The following TK1 variants were observed in gnomAD, a reference collection of about 807,000 sequenced individuals.
TK1 encodes thymidine kinase, cytosolic.
A neutral mutation model predicts 22.4 loss-of-function variants in TK1; 13 were observed. The observed-to-expected ratio is 0.58, with a 90% CI of 0.38 to 0.92. The LOEUF is 0.92. TK1 is among the 40% of genes least tolerant of loss of function. The pLI is 0.00. For missense variants in TK1, 251 were observed against 315.7 expected (o/e 0.80, Z 1.55); for synonymous variants, 134 against 125.4 (o/e 1.07, Z -0.46).
intron 4 of TK1, chr17:78,179,479 C>T (rs904049808): frequency 7.1e-6 from 7 of 985,286 alleles, no homozygotes; most frequent in African/African-American, 5.2e-5. Flanking sequence ...GCCGGGTGGT[C>T]GGGAACCCAG....
At chr17:78,178,183 T>A (rs2075714394) in intron 4 of TK1, among the ~76,000 whole-genome samples, 1 of 151,890 alleles carries the variant, frequency 6.6e-6, no homozygotes, top group South Asian at 2.1e-4. Context: ...AAAAAAAGTT[T>A]AAAAAAATAA....
Position 78,174,679 on chromosome 17 carries a change from T to C in TK1, c.*80A>G. The C allele has an allele frequency of 2.1e-5, 30 of 1,461,756 alleles. No individual in the cohort carries two copies. Among genetic ancestry groups the C allele is most frequent in the Admixed American group, 2.4e-5 (1 of 41,326 alleles). 90.5% of individuals were successfully genotyped at this position (1,461,756 alleles called of 1,614,324 possible). A position where few individuals can be genotyped will look rare whatever the true frequency, so the allele number is the denominator to read the frequency against. ...CCCTCCACGCCTCCCGACTTCCTCC[T>C]GGAGTGGCTGGGCAGCATGCAGGGC... On this transcript the variant is annotated 3_prime_UTR_variant, in exon 7 of 7. Transcript: ENST00000301634.
chr17:78,179,152 C>T (rs2075721587), intron 4 of TK1: 1 of 985,172 alleles, frequency 1.0e-6, no homozygotes, highest in South Asian at 4.7e-5. Flanking sequence ...GAGAACAGAG[C>T]TATTGAACAA....
intron 4 of TK1, among the ~76,000 whole-genome samples, chr17:78,175,966 C>T (rs575166543): frequency 6.4e-4 from 97 of 152,302 alleles, no homozygotes; most frequent in South Asian, 1.2e-3. Context: ...TTCGCTGGAC[C>T]CATTATCTGT....
intron 2 of TK1, among the ~76,000 whole-genome samples, 186 bp downstream of exon 2, chr17:78,186,601 C>T (rs12936854): frequency 2.0e-5 from 3 of 150,240 alleles, no homozygotes; most frequent in African/African-American, 7.4e-5. Context: ...TCCTCCTGGA[C>T]TGAATTCAAG....
chr17:78,186,961 C>T lies in TK1; in HGVS notation c.34G>A (p.Gly12Ser), dbSNP rs1482373535. Reference protein sequence around the residue: ...SCINLPTVLPGSPSKTRGQIQ... With the variant: ...SCINLPTVLPSSPSKTRGQIQ... ...TGCCCCCGGGTCTTGCTGGGGGAGC[C>T]AGGCAGCACAGTGGGCAGGTTAATG... is the stretch of plus-strand genomic sequence containing the variant. Residue 12 changes from glycine to serine, a missense_variant, in exon 1 of 7, where the codon GGC becomes AGC. Transcript: ENST00000301634. The T allele has an allele frequency of 2.5e-6, 4 of 1,576,402 alleles. No individual in the cohort carries two copies. In the Admixed American group the frequency reaches 7.4e-5, roughly 29 times the overall value.
intron 4 of TK1, among the ~76,000 whole-genome samples, chr17:78,176,212 A>G (rs566579777): frequency 4.2e-4 from 64 of 152,316 alleles, no homozygotes; most frequent in Non-Finnish European, 8.8e-5. Flanking sequence ...TTCTAAATTC[A>G]GGACCTGCAC....
At chr17:78,180,494 T>C (rs530895254) in intron 4 of TK1, among the ~76,000 whole-genome samples, 2 of 152,232 alleles carry the variant, frequency 1.3e-5, no homozygotes, top group African/African-American at 4.8e-5. Flanking sequence ...GAAAGAAAAC[T>C]AAGATAACAG....
intron 4 of TK1, 100 bp from the exon 5 acceptor site, chr17:78,175,718 AT>A (rs1368394518): frequency 5.6e-6 from 6 of 1,070,658 alleles, no homozygotes; most frequent in Non-Finnish European, 6.8e-6. Context: ...AACTCCGGCC[AT>A]TTGGCCCGGA....
intron 2 of TK1, among the ~76,000 whole-genome samples, chr17:78,185,618 G>A (rs12600793): frequency 0.035 from 5,258 of 152,160 alleles, 257 homozygotes; most frequent in East Asian, 0.24. Flanking sequence ...CCTGCCTTCC[G>A]GGTTCAAGAG....
rs781720782 is a variant in TK1 at position 78,175,304 on chromosome 17, A to G, written c.394-135T>C. On this transcript the variant is annotated intron_variant, in intron 5 of 6. Transcript: ENST00000301634. ...TAGTCCTTCCCCCAACCCCCAGAGC[A>G]CCATGCCCGGCTCTGTCCCTTTGCC... is the stretch of plus-strand genomic sequence containing the variant. 2.9e-4 allele frequency: 379 copies of G among 1,317,692 alleles called. 4 individuals carry two copies. The highest frequency in any genetic ancestry group is 6.1e-4 in the Middle Eastern group (3 of 4,928). 81.6% of individuals were successfully genotyped at this position (1,317,692 alleles called of 1,614,324 possible). A position where few individuals can be genotyped will look rare whatever the true frequency, so the allele number is the denominator to read the frequency against.
At chr17:78,184,982 A>C in intron 3 of TK1, 73 bp downstream of exon 3, 1 of 1,141,902 alleles carries the variant, frequency 8.8e-7, no homozygotes, top group Non-Finnish European at 1.3e-6. Flanking sequence ...ATCCCCATTA[A>C]AGAGAGTCCT....
chr17:78,179,473 G>T, intron 4 of TK1: 1 of 985,462 alleles, frequency 1.0e-6, no homozygotes, highest in African/African-American at 1.7e-5. Flanking sequence ...CCAGCTGCCG[G>T]GTGGTCGGGA....
intron 4 of TK1, among the ~76,000 whole-genome samples, chr17:78,178,575 G>T (rs1051409782): frequency 6.6e-6 from 1 of 152,204 alleles, no homozygotes; most frequent in African/African-American, 2.4e-5. Flanking sequence ...CTTCTGCTGG[G>T]TCCCATGCTA....
chr17:78,180,109 C>T (rs1049092115), intron 4 of TK1, among the ~76,000 whole-genome samples: 7 of 152,288 alleles, frequency 4.6e-5, no homozygotes, highest in Non-Finnish European at 1.0e-4. Flanking sequence ...GTATACTAAA[C>T]GTATAGGTGG....
chr17:78,178,436 C>T (rs2075716116), intron 4 of TK1, among the ~76,000 whole-genome samples: 2 of 152,188 alleles, frequency 1.3e-5, no homozygotes, highest in South Asian at 4.1e-4. Flanking sequence ...GACCCAGGGC[C>T]TTCCTCAGGA....
At chr17:78,179,231 A>G (rs1313737532) in intron 4 of TK1, 5 of 985,300 alleles carry the variant, frequency 5.1e-6, no homozygotes, top group Admixed American at 1.2e-4. Flanking sequence ...TGAGAGGGCC[A>G]TGTCCCCAAA....
chr17:78,186,616 G>A (rs1027452522), intron 2 of TK1, among the ~76,000 whole-genome samples, 171 bp downstream of exon 2: 5 of 149,698 alleles, frequency 3.3e-5, no homozygotes, highest in Non-Finnish European at 5.9e-5. Flanking sequence ...TTCAAGGGAG[G>A]AGCACCCCAG....
chr17:78,177,313 C>G (rs2075707858), intron 4 of TK1, among the ~76,000 whole-genome samples: 2 of 152,244 alleles, frequency 1.3e-5, no homozygotes, highest in African/African-American at 4.8e-5. Flanking sequence ...CCTCATGGGA[C>G]AGGTCACAGT....
Sources: allele counts gnomAD v4.1 joint callset (sites outside exome capture counted in the v4.1 genomes callset), GRCh38; gene constraint gnomAD v4.1.1; transcripts MANE v1.5; gene names NCBI Gene and HGNC (gene_info 2026-07-23, HGNC 2026-07-21).